HTR3A: variants seen among roughly 807,000 people sequenced by gnomAD.
The protein encoded by HTR3A is 5-hydroxytryptamine receptor 3A.
HTR3A carries 45 observed loss-of-function variants against 54.8 expected under a neutral mutation model. The ratio of observed to expected loss-of-function variants is 0.82; its 90% CI spans 0.65 to 1.05. HTR3A has a LOEUF of 1.05. Ranked by LOEUF, HTR3A falls within the 50% of genes least tolerant of loss-of-function variation. The probability of loss-of-function intolerance (pLI) is 0.00; values close to 1 mark genes in which losing one functional copy is unlikely to be tolerated. For missense variants in HTR3A, 657 were observed against 614.0 expected, an observed-to-expected ratio of 1.07 and a Z score of -0.74; for synonymous variants, 297 against 256.0, an observed-to-expected ratio of 1.16 and a Z score of -1.53.
chr11:113,983,460 C>T (rs932194203), intron 5 of HTR3A, among the ~76,000 whole-genome samples, 171 bp downstream of exon 5: 1 of 152,188 alleles, frequency 6.6e-6, no homozygotes, highest in South Asian at 2.1e-4. Context: ...GCTGCCCCAA[C>T]AGTAAGAGTT....
Position 113,989,714 on chromosome 11 carries a change from C to A in HTR3A, c.1388C>A (p.Ala463Asp). 6.2e-7 allele frequency: 1 copy of A among 1,613,642 alleles called. No individual in the cohort carries two copies. Among genetic ancestry groups the A allele is most frequent in the Non-Finnish European group, 8.5e-7 (1 of 1,180,018 alleles). ...CACATTTACCTGCTAGCGGTGCTGG[C>A]CTACAGCATCACCCTGGTTATGCTC... is the stretch of plus-strand genomic sequence containing the variant. ...LFHIYLLAVLAYSITLVMLWS... is the reference protein window; with the variant it reads ...LFHIYLLAVLDYSITLVMLWS... The change falls in exon 9 of 9, where the codon GCC (alanine) becomes GAC (aspartate). Residue 463 changes from alanine to aspartate, a missense_variant. By Grantham distance (126) the Ala-to-Asp change is moderately radical. Coordinates refer to ENST00000504030, the MANE Select transcript of HTR3A (RefSeq NM_000869.6). This position sits in a 1 kb window ranked among gnomAD's most constrained non-coding sequence, Gnocchi z 4.4.
chr11:113,987,796 C>T (rs145100121), intron 8 of HTR3A, among the ~76,000 whole-genome samples: 54 of 152,296 alleles, frequency 3.5e-4, no homozygotes, highest in African/African-American at 1.2e-3. Context: ...TTTCAAACAC[C>T]TATGAGGCAG....
intron 4 of HTR3A, among the ~76,000 whole-genome samples, 164 bp downstream of exon 4, chr11:113,981,476 C>T (rs1032828073): frequency 4.6e-5 from 7 of 152,116 alleles, no homozygotes; most frequent in Admixed American, 6.5e-5. Context: ...TCTTCCCCCC[C>T]GACCTTTTTC....
chr11:113,979,680 G>C (rs1355090713), intron 3 of HTR3A, among the ~76,000 whole-genome samples: 1 of 152,106 alleles, frequency 6.6e-6, no homozygotes, highest in Non-Finnish European at 1.5e-5. Flanking sequence ...CATCCACTTA[G>C]TCCTCACATC....
chr11:113,980,389 C>T (rs950293306), intron 3 of HTR3A, among the ~76,000 whole-genome samples: 9 of 152,246 alleles, frequency 5.9e-5, no homozygotes, highest in Non-Finnish European at 1.2e-4. Flanking sequence ...GCCACTCCAA[C>T]GTGGCAAGGA....
Position 113,989,377 on chromosome 11 carries a change from A to T in HTR3A, c.1139-88A>T. 1 of 1,495,860 alleles carries T rather than the reference A, an allele frequency of 6.7e-7. No individual in the cohort carries two copies. The highest frequency in any genetic ancestry group is 9.3e-7 in the Non-Finnish European group (1 of 1,076,066). 92.7% of individuals were successfully genotyped at this position (1,495,860 alleles called of 1,614,324 possible). On this transcript the variant is annotated intron_variant, in intron 8 of 8. Coordinates refer to ENST00000504030, the MANE Select transcript of HTR3A (RefSeq NM_000869.6). The surrounding 1 kb of genome is among the most constrained non-coding windows in gnomAD (Gnocchi z 4.4). ...GAAAAAAAAAGTTATTCCCAACAAAAATTTACAGGCTATAGAAGCATAAGG... is the reference window on the plus strand; with the variant it reads ...GAAAAAAAAAGTTATTCCCAACAAATATTTACAGGCTATAGAAGCATAAGG...
rs528444380 is a variant in HTR3A, at chr11:113,983,067, C to T, written c.375-53C>T. ...AGTTGTTCCAAGATCTTCAGGCACCCAGAGCTTGCCCTGTCTCTTGAGCTC... is the reference window on the plus strand; with the variant it reads ...AGTTGTTCCAAGATCTTCAGGCACCTAGAGCTTGCCCTGTCTCTTGAGCTC... On this transcript the variant is annotated intron_variant, in intron 4 of 8. Transcript: ENST00000504030. 5.4e-5 allele frequency: 86 copies of T among 1,606,904 alleles called. 1 individual carries two copies. In the Middle Eastern group the frequency reaches 2.5e-3, roughly 46 times the overall value.
intron 4 of HTR3A, among the ~76,000 whole-genome samples, chr11:113,982,347 G>GA (rs1591602988): frequency 4.5e-5 from 1 of 22,168 alleles, no homozygotes; most frequent in East Asian, 0.17. Context: ...ATTTTTCCAA[G>GA]GGGGTAGTTG....
rs141307965 is a variant in HTR3A, at chr11:113,981,659, A to T, written c.374+347A>T. On this transcript the variant is annotated intron_variant, in intron 4 of 8. Coordinates refer to ENST00000504030, the MANE Select transcript of HTR3A (RefSeq NM_000869.6). ...TAAAGGAGACAGTAAATGTTTATTT[A>T]AAAAAAATGGAGCACTTGGCCAGAC... is the stretch of plus-strand genomic sequence containing the variant. Among the ~76,000 whole-genome samples, 356 of 151,198 alleles carry T rather than the reference A, an allele frequency of 2.4e-3. 2 individuals are homozygous for T. The highest frequency in any genetic ancestry group is 8.1e-3 in the African/African-American group (328 of 40,680).
At chr11:113,975,708 A>G (rs540445911) in intron 1 of HTR3A, among the ~76,000 whole-genome samples, 6 of 152,262 alleles carry the variant, frequency 3.9e-5, no homozygotes, top group African/African-American at 1.2e-4. Context: ...TCCTTTCCCT[A>G]AACTATTTGA....
intron 4 of HTR3A, among the ~76,000 whole-genome samples, 194 bp downstream of exon 4, chr11:113,981,506 ACT>A (rs1188372138): frequency 6.7e-6 from 1 of 149,642 alleles, no homozygotes; most frequent in East Asian, 2.0e-4. Context: ...CTTTTTGAAA[ACT>A]CCTTCTTTTC....
intron 1 of HTR3A, among the ~76,000 whole-genome samples, chr11:113,977,112 C>A (rs1403184872): frequency 6.6e-6 from 1 of 152,034 alleles, no homozygotes; most frequent in Non-Finnish European, 1.5e-5. Context: ...TACAGCAACC[C>A]TAGGAGGTGG....
intron 1 of HTR3A, among the ~76,000 whole-genome samples, chr11:113,976,590 T>C (rs1176726): frequency 4.7e-5 from 6 of 127,958 alleles, no homozygotes; most frequent in African/African-American, 7.9e-5. Context: ...TGTGTGTGTG[T>C]GTGTGTGTGT....
intron 1 of HTR3A, among the ~76,000 whole-genome samples, chr11:113,975,966 A>G (rs1150225): frequency 0.14 from 21,398 of 151,928 alleles, 1,674 homozygotes; most frequent in Non-Finnish European, 0.15. Flanking sequence ...GTAACGCCCA[A>G]TTTCTCTCCA....
intron 1 of HTR3A, among the ~76,000 whole-genome samples, chr11:113,975,830 C>G (rs116339274): frequency 1.7e-3 from 255 of 152,270 alleles, no homozygotes; most frequent in African/African-American, 5.9e-3. Flanking sequence ...GGTCACACAG[C>G]TTGTTAGCAG....
chr11:113,975,366 T>A lies in HTR3A; in HGVS notation c.41T>A (p.Leu14His). The change falls in exon 1 of 9, where the codon CTC (leucine) becomes CAC (histidine). Residue 14 changes from leucine to histidine, a missense_variant. Physicochemically the swap from Leu to His is moderately conservative, Grantham distance 99. Coordinates refer to ENST00000504030, the MANE Select transcript of HTR3A (RefSeq NM_000869.6). ...CAGCAGGCGCTGCTCGCCTTGCTCC[T>A]CCCCACACTCCTGGCACAGGGAGAA... Reference protein sequence around the residue: ...WVQQALLALLLPTLLAQGEAR... With the variant: ...WVQQALLALLHPTLLAQGEAR... 1 of 1,612,958 alleles carries A rather than the reference T, an allele frequency of 6.2e-7. No individual in the cohort carries two copies. Among genetic ancestry groups the A allele is most frequent in the East Asian group, 2.2e-5 (1 of 44,858 alleles).
At chr11:113,982,976 C>A in intron 4 of HTR3A, 144 bp from the exon 5 acceptor site, 4 of 905,342 alleles carry the variant, frequency 4.4e-6, no homozygotes, top group Non-Finnish European at 7.0e-6. Context: ...TTGGAAAAAC[C>A]GAGGCCAGGC....
rs751173809 is a variant in HTR3A, at chr11:113,981,273, C to A, written c.335C>A (p.Thr112Lys). 1.2e-6 allele frequency: 2 copies of A among 1,613,402 alleles called. No individual in the cohort carries two copies. Among genetic ancestry groups the A allele is most frequent in the Non-Finnish European group, 8.5e-7 (1 of 1,179,292 alleles). ...FDNITKLSIPTDSIWVPDILI... is the reference protein window; with the variant it reads ...FDNITKLSIPKDSIWVPDILI... ...AACATCACCAAGTTGTCCATCCCCACGGACAGCATCTGGGTCCCGGACATT... is the reference window on the plus strand; with the variant it reads ...AACATCACCAAGTTGTCCATCCCCAAGGACAGCATCTGGGTCCCGGACATT... Residue 112 changes from threonine (T) to lysine (K), a missense_variant, in exon 4 of 9, where the codon ACG (threonine) becomes AAG (lysine). Coordinates refer to ENST00000504030, the MANE Select transcript of HTR3A (RefSeq NM_000869.6).
chr11:113,977,391 A>T, intron 1 of HTR3A: 2 of 631,710 alleles, frequency 3.2e-6, no homozygotes, highest in Non-Finnish European at 5.5e-6. Flanking sequence ...TCTTGCTTTT[A>T]GTATCATACC....
Sources: allele counts gnomAD v4.1 joint callset (sites outside exome capture counted in the v4.1 genomes callset), GRCh38; gene constraint gnomAD v4.1.1; non-coding constraint Gnocchi (gnomAD v3.1); transcripts MANE v1.5; gene names NCBI Gene and HGNC (gene_info 2026-07-23, HGNC 2026-07-21).